Variants in MIOS observed in about 807,000 individuals in gnomAD.
MIOS encodes meiosis regulator for oocyte development, also known as GATOR2 complex protein MIOS.
Under a neutral mutation model 96.9 loss-of-function variants are expected in MIOS, and 52 were observed. The ratio of observed to expected loss-of-function variants is 0.54; its 90% CI spans 0.43 to 0.68. MIOS has a LOEUF of 0.68. MIOS is among the 30% of genes least tolerant of loss of function. The probability of loss-of-function intolerance (pLI) is 0.00; values close to 1 mark genes in which losing one functional copy is unlikely to be tolerated. For synonymous variants in MIOS, 397 were observed against 359.5 expected (o/e 1.10, Z -1.18); for missense variants, 1,005 against 1,052.8 (o/e 0.95, Z 0.63).
intron 5 of MIOS, among the ~76,000 whole-genome samples, chr7:7,576,477 G>A (rs1223666930): frequency 6.6e-6 from 1 of 152,152 alleles, no homozygotes; most frequent in Non-Finnish European, 1.5e-5. Context: ...TCTCAGAGGA[G>A]GTACAGTTAA....
chr7:7,602,745 A>G (rs1784416292), intron 11 of MIOS, among the ~76,000 whole-genome samples: 1 of 152,198 alleles, frequency 6.6e-6, no homozygotes, highest in Non-Finnish European at 1.5e-5. Context: ...GAACCAAAAA[A>G]GAGCCCGCAT....
rs368362524 is a variant in MIOS at position 7,573,048 on chromosome 7, T to C, written c.573T>C (p.Cys191=). 57 of 1,614,056 alleles carry C rather than the reference T, an allele frequency of 3.5e-5. No individual in the cohort carries two copies. In the Middle Eastern group the frequency reaches 9.9e-4, roughly 28 times the overall value. The change falls in exon 4 of 13, where the codon TGT becomes TGC. Residue 191 remains cysteine (C), a synonymous_variant. Coordinates refer to ENST00000340080, the MANE Select transcript of MIOS (RefSeq NM_019005.4). The surrounding 1 kb of genome is among the most constrained non-coding windows in gnomAD (Gnocchi z 5.0). The part of the protein sequence containing the change: ...LGQNDACLSL[C]WLPRDQKLLL... ...AGAATGATGCTTGTCTGTCTCTTTG[T>C]TGGCTTCCACGAGACCAGAAACTTC...
chr7:7,603,195 A>C (rs921136173), intron 11 of MIOS, among the ~76,000 whole-genome samples: 8 of 152,110 alleles, frequency 5.3e-5, no homozygotes, highest in Admixed American at 2.0e-4. Flanking sequence ...CAATGGCAAC[A>C]AAAGCCAAAA....
Position 7,573,702 on chromosome 7 carries a change from G to C in MIOS, c.1227G>C (p.Val409=), listed in dbSNP as rs1452209212. ...LSRYGLDTEQ[V]WRNHILAGNE... is the part of the protein sequence containing the mutation. Reference sequence around the variant, plus strand: ...GGTATGGACTTGATACAGAGCAGGTGTGGAGGAACCACATTTTAGCTGGAA... The same window carrying C: ...GGTATGGACTTGATACAGAGCAGGTCTGGAGGAACCACATTTTAGCTGGAA... Residue 409 remains valine, a synonymous_variant, in exon 4 of 13, where the codon GTG becomes GTC. Transcript: ENST00000340080. This position sits in a 1 kb window ranked among gnomAD's most constrained non-coding sequence, Gnocchi z 5.0. 1 of 1,613,264 alleles carries C rather than the reference G, an allele frequency of 6.2e-7. No individual in the cohort carries two copies. The highest frequency in any genetic ancestry group is 2.2e-5 in the East Asian group (1 of 44,872).
At chr7:7,576,508 G>A (rs1783538203) in intron 5 of MIOS, among the ~76,000 whole-genome samples, 2 of 152,186 alleles carry the variant, frequency 1.3e-5, no homozygotes, top group African/African-American at 4.8e-5. Context: ...CAGACAGGGA[G>A]CAGCATGTGC....
intron 12 of MIOS, among the ~76,000 whole-genome samples, chr7:7,606,675 T>C (rs1037521855): frequency 6.6e-6 from 1 of 152,230 alleles, no homozygotes; most frequent in Non-Finnish European, 1.5e-5. Context: ...TCTTAACTTC[T>C]CCCTAAACTT....
rs145471768 is a variant in MIOS, at chr7:7,584,594, G to A, written c.1649-1042G>A. The stretch of plus-strand genomic sequence containing the variant: ...AAATCTAATGTATTAGGCAAAGGAA[G>A]CAAGCACAAAGTAACTTGGGAAAGT... On this transcript the variant is annotated intron_variant, in intron 6 of 12. Coordinates refer to ENST00000340080, the MANE Select transcript of MIOS (RefSeq NM_019005.4). 3.2e-3 allele frequency among the ~76,000 whole-genome samples: 488 copies of A among 152,192 alleles called. 2 individuals carry two copies. Among genetic ancestry groups the A allele is most frequent in the African/African-American group, 0.011 (458 of 41,546 alleles).
chr7:7,598,034 T>G (rs1383138549), intron 11 of MIOS, among the ~76,000 whole-genome samples: 1 of 152,166 alleles, frequency 6.6e-6, no homozygotes, highest in East Asian at 1.9e-4. Context: ...GGGAAAAAAT[T>G]TTGAGAATAG....
chr7:7,607,353 G>A lies in MIOS; in HGVS notation c.*261G>A. On this transcript the variant is annotated 3_prime_UTR_variant, in exon 13 of 13. Transcript: ENST00000340080. ...AGTCTGATTTAGAAAAACTTTCTAAGTTTTGGTTGAAATTATGAACACTCT... is the reference window on the plus strand; with the variant it reads ...AGTCTGATTTAGAAAAACTTTCTAAATTTTGGTTGAAATTATGAACACTCT... 1 of 268,340 alleles carries A rather than the reference G, an allele frequency of 3.7e-6. No homozygotes were observed. 16.6% of individuals were successfully genotyped at this position (268,340 alleles called of 1,614,324 possible). A position where few individuals can be genotyped will look rare whatever the true frequency, so the allele number is the denominator to read the frequency against.
At chr7:7,591,429 C>T (rs1331580740) in intron 9 of MIOS, among the ~76,000 whole-genome samples, 4 of 151,658 alleles carry the variant, frequency 2.6e-5, no homozygotes, top group African/African-American at 9.7e-5. Context: ...CAGGTTCACG[C>T]CACCACTCCT....
At chr7:7,579,586 G>C (rs890867756) in intron 5 of MIOS, among the ~76,000 whole-genome samples, 4 of 152,116 alleles carry the variant, frequency 2.6e-5, no homozygotes, top group Non-Finnish European at 5.9e-5. Context: ...TCTTCCCTGG[G>C]CCACAATGGA....
At chr7:7,569,763 G>T (rs116106863) in intron 3 of MIOS, among the ~76,000 whole-genome samples, 1 of 152,222 alleles carries the variant, frequency 6.6e-6, no homozygotes, top group Non-Finnish European at 1.5e-5. Context: ...CTAGGGAGGG[G>T]ATGGAGGGTG....
intron 9 of MIOS, among the ~76,000 whole-genome samples, chr7:7,593,116 C>A (rs999851217): frequency 1.3e-5 from 2 of 152,128 alleles, no homozygotes; most frequent in Admixed American, 1.3e-4. Flanking sequence ...CCCTTCTTGC[C>A]ATATAAGGGG....
rs935130130 is a variant in MIOS at position 7,607,964 on chromosome 7, A to G, written c.*872A>G. ...CTGCATACAAAGTCTATGCAAGATT[A>G]TATGTAACTAGCCATTTAGTATAAT... is the stretch of plus-strand genomic sequence containing the variant. On this transcript the variant is annotated 3_prime_UTR_variant, in exon 13 of 13. Transcript: ENST00000340080. 2 of 152,136 alleles carry G rather than the reference A, an allele frequency of 1.3e-5. No homozygotes were observed. Among genetic ancestry groups the G allele is most frequent in the African/African-American group, 4.8e-5 (2 of 41,444 alleles). The allele number at this position is 152,136 out of a possible 1,614,324, so 9.4% of individuals were successfully genotyped here. A position where few individuals can be genotyped will look rare whatever the true frequency, so the allele number is the denominator to read the frequency against.
Position 7,573,825 on chromosome 7 carries a change from T to G in MIOS, c.1294+56T>G. ...GAATCAGGTAGAAATGTTCTTGAAG[T>G]TTGCCAAAAGGTCAGTCTGTAAATA... On this transcript the variant is annotated intron_variant, in intron 4 of 12. Coordinates refer to ENST00000340080, the MANE Select transcript of MIOS (RefSeq NM_019005.4). This position sits in a 1 kb window ranked among gnomAD's most constrained non-coding sequence, Gnocchi z 5.0. 6.7e-7 allele frequency: 1 copy of G among 1,485,936 alleles called. No individual in the cohort carries two copies. The highest frequency in any genetic ancestry group is 9.0e-7 in the Non-Finnish European group (1 of 1,107,084). The allele number at this position is 1,485,936 out of a possible 1,614,324, so 92.0% of individuals were successfully genotyped here.
At chr7:7,589,176 A>G (rs186803021) in intron 8 of MIOS, among the ~76,000 whole-genome samples, 2 of 152,274 alleles carry the variant, frequency 1.3e-5, no homozygotes, top group East Asian at 3.9e-4. Context: ...TCTTTTATGG[A>G]TTAATTATCA....
chr7:7,598,853 C>T (rs764693027), intron 11 of MIOS, among the ~76,000 whole-genome samples: 12 of 152,042 alleles, frequency 7.9e-5, no homozygotes, highest in African/African-American at 1.2e-4. Flanking sequence ...ACTAATATAA[C>T]GAATAGCACT....
chr7:7,574,108 A>G lies in MIOS; in HGVS notation c.1305A>G (p.Gln435=). ...TATGCATTTAAATACTTATGAAGCA[A>G]TACACAGAAGATATGGATCAGAAAT... ...SLWYTLHFMK[Q]YTEDMDQKSP... is the part of the protein sequence containing the mutation. Residue 435 remains glutamine (Q), a synonymous_variant, in exon 5 of 13, where the codon CAA becomes CAG. Transcript: ENST00000340080. 6.2e-7 allele frequency: 1 copy of G among 1,605,328 alleles called. No individual in the cohort carries two copies. The highest frequency in any genetic ancestry group is 8.5e-7 in the Non-Finnish European group (1 of 1,174,492).
Position 7,572,389 on chromosome 7 carries a change from TATATTTTGCTG to T in MIOS, c.-40-39_-40-29del. 1.0e-6 allele frequency: 1 copy of T among 968,706 alleles called. No individual in the cohort carries two copies. Among genetic ancestry groups the T allele is most frequent in the Non-Finnish European group, 1.5e-6 (1 of 666,410 alleles). 60.0% of individuals were successfully genotyped at this position (968,706 alleles called of 1,614,324 possible). On this transcript the variant is annotated intron_variant, in intron 3 of 12. Coordinates refer to ENST00000340080, the MANE Select transcript of MIOS (RefSeq NM_019005.4). The surrounding 1 kb of genome is among the most constrained non-coding windows in gnomAD (Gnocchi z 4.8). ...TGAATAGTTTATTCAACGTAAGAAT[TATATTTTGCTG>T]ATATTTTAAAACTTTTTATTTTTAA...
Sources: allele counts gnomAD v4.1 joint callset (sites outside exome capture counted in the v4.1 genomes callset), GRCh38; gene constraint gnomAD v4.1.1; non-coding constraint Gnocchi (gnomAD v3.1); transcripts MANE v1.5; gene names NCBI Gene and HGNC (gene_info 2026-07-23, HGNC 2026-07-21).